Variants in ADCY2 observed in about 807,000 individuals in gnomAD.
The protein encoded by ADCY2 is adenylate cyclase type 2.
Under a neutral mutation model 125.2 loss-of-function variants are expected in ADCY2, and 31 were observed. That is an observed-to-expected ratio of 0.25 (90% CI 0.19 to 0.33). ADCY2 has a LOEUF of 0.33. ADCY2 is among the 10% of genes least tolerant of loss of function. The pLI, the probability that ADCY2 is intolerant of heterozygous loss-of-function variation, is 1.00. For synonymous variants in ADCY2, 512 were observed against 548.4 expected (o/e 0.93, Z 0.93); for missense variants, 904 against 1,418.2 (o/e 0.64, Z 5.82).
intron 5 of ADCY2, among the ~76,000 whole-genome samples, chr5:7,694,332 T>C (rs953545703): frequency 3.9e-5 from 6 of 152,190 alleles, no homozygotes; most frequent in African/African-American, 1.4e-4. Flanking sequence ...CACAGTTCAG[T>C]TGGATCACGG....
rs60652060 is a variant in ADCY2 at position 7,557,135 on chromosome 5, T to TTATATATATATATATATATATATATA, written c.570+36250_570+36251insTATATATATATATATATATATATATA. 3.4e-3 allele frequency among the ~76,000 whole-genome samples: 260 copies of TTATATATATATATATATATATATATA among 77,456 alleles called. 1 individual carries two copies. The highest frequency in any genetic ancestry group is 8.2e-3 in the African/African-American group (241 of 29,262). 50.8% of individuals were successfully genotyped at this position (77,456 alleles called of 152,430 possible). A position where few individuals can be genotyped will look rare whatever the true frequency, so the allele number is the denominator to read the frequency against. On this transcript the variant is annotated intron_variant, in intron 3 of 24. Coordinates refer to ENST00000338316, the MANE Select transcript of ADCY2 (RefSeq NM_020546.3). ...CTATAAATCATGAAGCAAAAACAGTTTATATATATATATAAACTTTATAGA... is the reference window on the plus strand; with the variant it reads ...CTATAAATCATGAAGCAAAAACAGTTTATATATATATATATATATATATATATATATATATATATAAACTTTATAGA...
intron 2 of ADCY2, among the ~76,000 whole-genome samples, chr5:7,482,933 A>G (rs1742792920): frequency 6.6e-6 from 1 of 151,906 alleles, no homozygotes; most frequent in Non-Finnish European, 1.5e-5. Flanking sequence ...CGAATACCAC[A>G]TGTTCTCACT....
chr5:7,544,063 C>G lies in ADCY2; in HGVS notation c.570+23164C>G, dbSNP rs116164962. Among the ~76,000 whole-genome samples, 617 of 146,164 alleles carry G rather than the reference C, an allele frequency of 4.2e-3. 1 individual carries two copies. Among genetic ancestry groups the G allele is most frequent in the African/African-American group, 0.014 (574 of 39,636 alleles). On this transcript the variant is annotated intron_variant, in intron 3 of 24. Coordinates refer to ENST00000338316, the MANE Select transcript of ADCY2 (RefSeq NM_020546.3). ...AGATTGTCCCCATTAGGCCTGAGAG[C>G]AAGTCAGCTCCCTAGCACTTAACCC...
intron 3 of ADCY2, among the ~76,000 whole-genome samples, chr5:7,543,845 C>G (rs993288182): frequency 2.6e-5 from 4 of 151,716 alleles, no homozygotes; most frequent in Non-Finnish European, 5.9e-5. Context: ...AACCCCGTCT[C>G]TACTAAAAAT....
chr5:7,504,546 C>G (rs1186673653), intron 2 of ADCY2, among the ~76,000 whole-genome samples: 1 of 151,926 alleles, frequency 6.6e-6, no homozygotes, highest in Non-Finnish European at 1.5e-5. Flanking sequence ...TAACACTGTT[C>G]AGCAAGAAGT....
chr5:7,518,100 A>G (rs1744315167), intron 2 of ADCY2, among the ~76,000 whole-genome samples: 1 of 152,350 alleles, frequency 6.6e-6, no homozygotes, highest in Admixed American at 6.5e-5. Flanking sequence ...AATAAGCTAT[A>G]AATACACAAC....
chr5:7,804,232 A>T (rs1744691378), intron 21 of ADCY2, among the ~76,000 whole-genome samples: 1 of 152,234 alleles, frequency 6.6e-6, no homozygotes, highest in Admixed American at 6.5e-5. Flanking sequence ...GAGCTCACTC[A>T]TTGAATCATA....
At chr5:7,758,588 G>C (rs746962307) in intron 16 of ADCY2, among the ~76,000 whole-genome samples, 1 of 152,206 alleles carries the variant, frequency 6.6e-6, no homozygotes, top group Non-Finnish European at 1.5e-5. Context: ...GATGTGTCTG[G>C]TATGTGCTGC....
chr5:7,613,158 AAT>A (rs67950335), intron 3 of ADCY2, among the ~76,000 whole-genome samples: 20,884 of 149,372 alleles, frequency 0.14, 1,880 homozygotes, highest in East Asian at 0.43. Flanking sequence ...AAAGTATAAT[AAT>A]AAAAAAAAAA....
chr5:7,787,410 A>T (rs981167934), intron 19 of ADCY2, among the ~76,000 whole-genome samples: 3 of 152,252 alleles, frequency 2.0e-5, no homozygotes, highest in African/African-American at 7.2e-5. Context: ...GAGATCTTTA[A>T]CTGAATCACA....
intron 22 of ADCY2, among the ~76,000 whole-genome samples, chr5:7,805,457 TGAGA>T (rs370289821): frequency 1.3e-3 from 192 of 150,634 alleles, no homozygotes; most frequent in African/African-American, 3.4e-3. Flanking sequence ...TGTGTGTGTG[TGAGA>T]GAGAGAGAGA....
chr5:7,543,901 C>T (rs573772677), intron 3 of ADCY2, among the ~76,000 whole-genome samples: 2 of 151,068 alleles, frequency 1.3e-5, no homozygotes, highest in Non-Finnish European at 2.9e-5. Flanking sequence ...GTAGTTCCAC[C>T]TACTCGGGAG....
chr5:7,727,412 G>T (rs535409751), intron 14 of ADCY2, 151 bp downstream of exon 14: 1 of 626,156 alleles, frequency 1.6e-6, no homozygotes, highest in Admixed American at 3.2e-5. Flanking sequence ...GACCTCGGAG[G>T]TTAAGTGGCC....
chr5:7,403,603 C>A (rs1037508911), intron 1 of ADCY2, among the ~76,000 whole-genome samples: 9 of 152,068 alleles, frequency 5.9e-5, no homozygotes, highest in African/African-American at 1.9e-4. Context: ...TAGGAAATTT[C>A]TTTCTATATG....
At chr5:7,486,783 A>C (rs1742949244) in intron 2 of ADCY2, among the ~76,000 whole-genome samples, 1 of 152,222 alleles carries the variant, frequency 6.6e-6, no homozygotes, top group African/African-American at 2.4e-5. Context: ...CTTGCAGGTA[A>C]AATGAGATCG....
At chr5:7,558,193 C>T (rs528036357) in intron 3 of ADCY2, among the ~76,000 whole-genome samples, 1 of 152,160 alleles carries the variant, frequency 6.6e-6, no homozygotes, top group South Asian at 2.1e-4. Flanking sequence ...GCTGGGGTTA[C>T]AGGTGCACGC....
rs184029323 is a variant in ADCY2, at chr5:7,428,672, G to T, written c.408+13902G>T. ...TTCATTCCCAAGTAGATAGTGTTTT[G>T]TATGTCCATGTTCAAACATGATGCA... is the stretch of plus-strand genomic sequence containing the variant. On this transcript the variant is annotated intron_variant, in intron 2 of 24. Transcript: ENST00000338316. Among the ~76,000 whole-genome samples, 148 of 152,298 alleles carry T rather than the reference G, an allele frequency of 9.7e-4. 1 individual carries two copies. Among genetic ancestry groups the T allele is most frequent in the African/African-American group, 3.5e-3 (146 of 41,558 alleles).
chr5:7,759,087 T>A (rs990195548), intron 16 of ADCY2, among the ~76,000 whole-genome samples: 4 of 152,090 alleles, frequency 2.6e-5, no homozygotes, highest in African/African-American at 9.7e-5. Context: ...TGGAAATTGA[T>A]CTTAGTGACA....
intron 2 of ADCY2, among the ~76,000 whole-genome samples, chr5:7,453,542 CAGA>C (rs1231256784): frequency 9.9e-5 from 15 of 151,996 alleles, no homozygotes; most frequent in African/African-American, 3.4e-4. Context: ...AGGCAGAAGG[CAGA>C]AGGAGAGACC....
Sources: gnomAD v4.1 joint callset for allele counts (sites outside exome capture counted in the v4.1 genomes callset) on GRCh38, gnomAD v4.1.1 for gene constraint, MANE v1.5 for transcripts, NCBI Gene and HGNC (gene_info 2026-07-23, HGNC 2026-07-21) for gene names.